SMIM36: variants seen among roughly 807,000 people sequenced by gnomAD.
SMIM36 encodes the protein small integral membrane protein 36.
chr17:55,498,825 C>A (rs533224831), intron 1 of SMIM36, among the ~76,000 whole-genome samples: 35 of 151,638 alleles, frequency 2.3e-4, no homozygotes, highest in Admixed American at 6.6e-4. Context: ...ATGACAAAAC[C>A]CCGTCTCTAC....
At chr17:55,502,202 C>T (rs1483353137) in intron 1 of SMIM36, among the ~76,000 whole-genome samples, 4 of 149,892 alleles carry the variant, frequency 2.7e-5, no homozygotes, top group African/African-American at 4.9e-5. Context: ...CCAGGAAGCT[C>T]GAACTGGGTG....
chr17:55,515,084 GTGTTTTTT>G (rs1356248028), upstream of SMIM36, among the ~76,000 whole-genome samples: 163 of 56,140 alleles, frequency 2.9e-3, 2 homozygotes, highest in Middle Eastern at 0.012. Flanking sequence ...TTCTAGTCTA[GTGTTTTTT>G]TTTTTTTTTT....
chr17:55,471,930 C>T (rs1475602918), intron 3 of SMIM36, among the ~76,000 whole-genome samples: 1 of 152,226 alleles, frequency 6.6e-6, no homozygotes, highest in African/African-American at 2.4e-5. Flanking sequence ...CACTTACCCT[C>T]TATAGTTCTC....
upstream of SMIM36, among the ~76,000 whole-genome samples, chr17:55,516,111 GC>G (rs1487236999): frequency 1.3e-5 from 2 of 152,202 alleles, no homozygotes; most frequent in Non-Finnish European, 2.9e-5. Context: ...TTGGCTGGAA[GC>G]CCCTGATGTA....
At chr17:55,455,408 A>G (rs1908999171) in intron 4 of SMIM36, among the ~76,000 whole-genome samples, 1 of 142,584 alleles carries the variant, frequency 7.0e-6, no homozygotes, top group African/African-American at 2.6e-5. Context: ...GGATTCATAC[A>G]TTCTTAGCTT....
At chr17:55,528,047 T>C in the SMIM36 span, 1 of 152,260 alleles carries the variant, frequency 6.6e-6, no homozygotes, top group East Asian at 1.9e-4. Context: ...GGTTGCACCC[T>C]TCACTTTTCA....
rs151136874 is a variant in SMIM36, at chr17:55,458,905, G to A, written c.*531+8240C>T. 2.3e-4 allele frequency among the ~76,000 whole-genome samples: 35 copies of A among 152,278 alleles called. 2 individuals carry two copies. In the East Asian group the frequency reaches 6.4e-3, roughly 28 times the overall value. Reference sequence around the variant, plus strand: ...TGATTTGCTTCTTCCAGTACACCAAGGCAAGAAACCCCGGGGTACAGAAAT... The same window carrying A: ...TGATTTGCTTCTTCCAGTACACCAAAGCAAGAAACCCCGGGGTACAGAAAT... On this transcript the variant is annotated intron_variant, in intron 4 of 4. Coordinates refer to ENST00000636752, the Ensembl canonical transcript of SMIM36.
chr17:55,520,267 T>C, the SMIM36 span, among the ~76,000 whole-genome samples: 1 of 152,196 alleles, frequency 6.6e-6, no homozygotes, highest in Non-Finnish European at 1.5e-5. Flanking sequence ...TCTAGTAGAA[T>C]CTCTTCATCT....
chr17:55,531,726 C>T, the SMIM36 span, among the ~76,000 whole-genome samples: 1 of 152,168 alleles, frequency 6.6e-6, no homozygotes, highest in Non-Finnish European at 1.5e-5. Flanking sequence ...AACATCAGTA[C>T]ACAGTCACTG....
intron 1 of SMIM36, among the ~76,000 whole-genome samples, chr17:55,499,913 G>T (rs1909877095): frequency 7.7e-6 from 1 of 129,706 alleles, no homozygotes; most frequent in Non-Finnish European, 1.6e-5. Flanking sequence ...ATTAATGAAG[G>T]TTTAAAATAA....
chr17:55,526,082 A>G, the SMIM36 span, among the ~76,000 whole-genome samples: 1 of 152,182 alleles, frequency 6.6e-6, no homozygotes. Flanking sequence ...AATGAATTAT[A>G]TATGTTAGTT....
intron 1 of SMIM36, among the ~76,000 whole-genome samples, chr17:55,497,985 T>C (rs1455144073): frequency 2.0e-5 from 3 of 152,138 alleles, no homozygotes; most frequent in African/African-American, 7.2e-5. Context: ...ATAATGGAAA[T>C]TGATTGCCTC....
At chr17:55,470,155 T>G (rs1195039677) in intron 3 of SMIM36, among the ~76,000 whole-genome samples, 2 of 152,004 alleles carry the variant, frequency 1.3e-5, no homozygotes, top group African/African-American at 4.8e-5. Context: ...TCTGTGCAGG[T>G]CCCCACTGGA....
At chr17:55,474,270 C>T (rs1007820689) in intron 3 of SMIM36, among the ~76,000 whole-genome samples, 5 of 152,158 alleles carry the variant, frequency 3.3e-5, no homozygotes, top group African/African-American at 7.2e-5. Flanking sequence ...AGGTGATTAA[C>T]GGACTGTCGA....
upstream of SMIM36, among the ~76,000 whole-genome samples, chr17:55,515,729 C>T (rs1396113915): frequency 1.3e-5 from 2 of 152,188 alleles, no homozygotes; most frequent in Non-Finnish European, 2.9e-5. Flanking sequence ...TCAGAGCCTC[C>T]AGAAGTAAAC....
chr17:55,475,699 T>C (rs2143267220), intron 3 of SMIM36, among the ~76,000 whole-genome samples: 1 of 152,326 alleles, frequency 6.6e-6, no homozygotes, highest in South Asian at 2.1e-4. Flanking sequence ...CTGAACCCCC[T>C]TGGGCACTCT....
Position 55,500,721 on chromosome 17 carries a change from T to C in SMIM36, c.*174+10158A>G. 1.6e-5 allele frequency among the ~76,000 whole-genome samples: 2 copies of C among 123,740 alleles called. 1 individual carries two copies. The highest frequency in any genetic ancestry group is 3.2e-5 in the Non-Finnish European group (2 of 63,196). The allele number at this position is 123,740 out of a possible 152,430, so 81.2% of individuals were successfully genotyped here. A position where few individuals can be genotyped will look rare whatever the true frequency, so the allele number is the denominator to read the frequency against. ...CTATTAAAAATAAAATTTTCAAAAT[T>C]TTTAAAAGAACATTCATTTAAAAGT... On this transcript the variant is annotated intron_variant, in intron 1 of 4. Transcript: ENST00000636752.
exon 5 of SMIM36, chr17:55,450,032 A>G (rs1378047188): frequency 2.6e-5 from 4 of 152,338 alleles, no homozygotes; most frequent in Admixed American, 2.6e-4. Flanking sequence ...AGATATGATT[A>G]AGTTAAATCT....
chr17:55,531,600 T>A, the SMIM36 span, among the ~76,000 whole-genome samples: 1 of 152,222 alleles, frequency 6.6e-6, no homozygotes, highest in Non-Finnish European at 1.5e-5. Flanking sequence ...CATGTTTTTA[T>A]GTATTGGCTG....
Sources: allele counts gnomAD v4.1 joint callset (sites outside exome capture counted in the v4.1 genomes callset), GRCh38; gene constraint gnomAD v4.1.1; transcripts MANE v1.5; gene names NCBI Gene and HGNC (gene_info 2026-07-23, HGNC 2026-07-21).